ZNF813: variants seen among roughly 807,000 people sequenced by gnomAD.
ZNF813 encodes zinc finger protein 813.
Under a neutral mutation model 7.2 loss-of-function variants are expected in ZNF813, and 3 were observed. The ratio of observed to expected loss-of-function variants is 0.42; its 90% CI spans 0.19 to 1.08. ZNF813 has a LOEUF of 1.08. Among genes scored for constraint, ZNF813 ranks in the 50% least tolerant of loss-of-function variants. ZNF813 has a pLI of 0.30. For synonymous variants in ZNF813, 227 were observed against 256.3 expected (o/e 0.89, Z 1.09); for missense variants, 714 against 753.3 (o/e 0.95, Z 0.61).
intron 2 of ZNF813, 44 bp downstream of exon 2, chr19:53,483,881 A>G (rs1366750700): frequency 6.8e-6 from 11 of 1,613,780 alleles, no homozygotes; most frequent in Non-Finnish European, 9.3e-6. Context: ...CCTTCCCCTC[A>G]GAAATGCTGG....
chr19:53,471,826 A>AAAAG (rs2086360810), intron 1 of ZNF813, among the ~76,000 whole-genome samples: 1 of 143,366 alleles, frequency 7.0e-6, no homozygotes, highest in Non-Finnish European at 1.5e-5. Context: ...AAAAAAAAAA[A>AAAAG]GTGCTAGGTG....
chr19:53,485,845 C>G (rs1481853310), intron 2 of ZNF813, among the ~76,000 whole-genome samples: 3 of 152,106 alleles, frequency 2.0e-5, no homozygotes, highest in Non-Finnish European at 4.4e-5. Context: ...GTAGCTGGAA[C>G]CACAGGTGCC....
intron 2 of ZNF813, among the ~76,000 whole-genome samples, chr19:53,485,587 T>TGTATGTCATGATATGTAC (rs571848662): frequency 7.2e-6 from 1 of 139,698 alleles, no homozygotes; most frequent in East Asian, 2.2e-4. Flanking sequence ...TGTCATGACA[T>TGTATGTCATGATATGTAC]ATGTATGTCA....
At chr19:53,483,468 A>G (rs2086418936) in intron 1 of ZNF813, among the ~76,000 whole-genome samples, 1 of 152,144 alleles carries the variant, frequency 6.6e-6, no homozygotes, top group East Asian at 1.9e-4. Context: ...GATGACAGGC[A>G]TGAGCCACCG....
At chr19:53,476,072 G>A (rs912475254) in intron 1 of ZNF813, among the ~76,000 whole-genome samples, 3 of 152,156 alleles carry the variant, frequency 2.0e-5, no homozygotes, top group African/African-American at 7.2e-5. Context: ...CAAATGGCTT[G>A]CTTCCACTCA....
At chr19:53,475,389 G>A (rs2086377382) in intron 1 of ZNF813, among the ~76,000 whole-genome samples, 2 of 152,264 alleles carry the variant, frequency 1.3e-5, no homozygotes. Flanking sequence ...TGACATCTGG[G>A]TCTCTGAGGG....
chr19:53,469,648 A>AG (rs1232889431), intron 1 of ZNF813, among the ~76,000 whole-genome samples: 4 of 151,884 alleles, frequency 2.6e-5, no homozygotes, highest in South Asian at 2.1e-4. Context: ...AGGTAGGGAG[A>AG]GGGGCAGCAA....
chr19:53,470,177 C>CCTTCCTTCCTTCT (rs2086351100), intron 1 of ZNF813, among the ~76,000 whole-genome samples: 3 of 116,762 alleles, frequency 2.6e-5, no homozygotes, highest in African/African-American at 3.2e-5. Flanking sequence ...TCTTTTCTTT[C>CCTTCCTTCCTTCT]TTTCTTTCTT....
rs1386271102 is a variant in ZNF813 at position 53,493,927 on chromosome 19, G to A, written c.*1841G>A. 6.6e-6 allele frequency: 1 copy of A among 152,300 alleles called. No homozygotes were observed. The highest frequency in any genetic ancestry group is 1.5e-5 in the Non-Finnish European group (1 of 68,034). 9.4% of individuals were successfully genotyped at this position (152,300 alleles called of 1,614,324 possible). A position where few individuals can be genotyped will look rare whatever the true frequency, so the allele number is the denominator to read the frequency against. On this transcript the variant is annotated 3_prime_UTR_variant, in exon 4 of 4. Coordinates refer to ENST00000396403, the MANE Select transcript of ZNF813 (RefSeq NM_001004301.4). ...TTATCTACTCGTTGGTCATTTCATG[G>A]ATGGCCTTTCTATTGTTGAGGTAAA...
chr19:53,471,983 G>A (rs12459867), intron 1 of ZNF813, among the ~76,000 whole-genome samples: 43,204 of 151,682 alleles, frequency 0.28, 6,212 homozygotes, highest in East Asian at 0.44. Context: ...TTTTCAGCTA[G>A]CCGAGCAAAC....
chr19:53,491,748 C>T lies in ZNF813; in HGVS notation c.1516C>T (p.Arg506Trp), dbSNP rs199775956. 9.0e-5 allele frequency: 142 copies of T among 1,571,920 alleles called. No homozygotes were observed. The highest frequency in any genetic ancestry group is 1.2e-4 in the Non-Finnish European group (137 of 1,149,148). The change falls in exon 4 of 4, where the codon CGG becomes TGG. Residue 506 changes from arginine to tryptophan, a missense_variant. By Grantham distance (101) the Arg-to-Trp change is moderately radical. Around this residue, in one of 3 missense-constraint regions of ZNF813, gnomAD observed 122 missense variants for 146.8 expected, o/e 0.83. Coordinates refer to ENST00000396403, the MANE Select transcript of ZNF813 (RefSeq NM_001004301.4). ...KCNECGKGFN[R>W]KTHLACHHRL... is the part of the protein sequence containing the mutation. ...TAATGAATGTGGCAAGGGTTTTAAT[C>T]GGAAAACACACCTTGCATGTCATCA...
At chr19:53,484,102 G>T (rs548627249) in intron 2 of ZNF813, among the ~76,000 whole-genome samples, 1 of 152,020 alleles carries the variant, frequency 6.6e-6, no homozygotes, top group Non-Finnish European at 1.5e-5. Flanking sequence ...AGGGTCCCAT[G>T]GTGTCAGTGC....
rs1368357945 is a variant in ZNF813 at position 53,493,905 on chromosome 19, T to C, written c.*1819T>C. 1 of 152,372 alleles carries C rather than the reference T, an allele frequency of 6.6e-6. No homozygotes were observed. Among genetic ancestry groups the C allele is most frequent in the Non-Finnish European group, 1.5e-5 (1 of 68,040 alleles). 9.4% of individuals were successfully genotyped at this position (152,372 alleles called of 1,614,324 possible). On this transcript the variant is annotated 3_prime_UTR_variant, in exon 4 of 4. Coordinates refer to ENST00000396403, the MANE Select transcript of ZNF813 (RefSeq NM_001004301.4). ...TCATTCCATGTTCCCTGCTTCGTTA[T>C]CTACTCGTTGGTCATTTCATGGATG...
At chr19:53,482,984 C>T (rs888385318) in intron 1 of ZNF813, among the ~76,000 whole-genome samples, 2 of 151,938 alleles carry the variant, frequency 1.3e-5, no homozygotes, top group African/African-American at 2.4e-5. Flanking sequence ...ACGATCTTGG[C>T]TCACTGCAAC....
At chr19:53,474,478 G>A (rs775451773) in intron 1 of ZNF813, among the ~76,000 whole-genome samples, 15 of 152,032 alleles carry the variant, frequency 9.9e-5, no homozygotes, top group Non-Finnish European at 2.1e-4. Flanking sequence ...CATGAGGTCC[G>A]GAGTTCAAGA....
At chr19:53,483,612 A>G (rs980048103) in intron 1 of ZNF813, 138 bp from the exon 2 acceptor site, 72 of 835,116 alleles carry the variant, frequency 8.6e-5, no homozygotes, top group Non-Finnish European at 1.2e-4. Context: ...TTCCTGTAGG[A>G]GTTTATTGTC....
chr19:53,473,068 G>A lies in ZNF813; in HGVS notation c.-74+5279G>A, dbSNP rs369782103. 3.1e-4 allele frequency among the ~76,000 whole-genome samples: 47 copies of A among 152,300 alleles called. 1 individual carries two copies. The highest frequency in any genetic ancestry group is 1.4e-3 in the East Asian group (7 of 5,182). On this transcript the variant is annotated intron_variant, in intron 1 of 3. Coordinates refer to ENST00000396403, the MANE Select transcript of ZNF813 (RefSeq NM_001004301.4). The stretch of plus-strand genomic sequence containing the variant: ...TTTTCTACCATGGTTAAGGAGGGTA[G>A]CAACAGCAAAACAGTGTACAGCATG...
chr19:53,487,495 G>T (rs1322836074), intron 3 of ZNF813, among the ~76,000 whole-genome samples: 2 of 152,020 alleles, frequency 1.3e-5, no homozygotes, highest in Non-Finnish European at 2.9e-5. Context: ...AACTGGCTCT[G>T]CCTCTCCAGC....
intron 1 of ZNF813, among the ~76,000 whole-genome samples, chr19:53,468,217 G>C (rs1381754544): frequency 2.6e-4 from 8 of 30,944 alleles, no homozygotes; most frequent in Admixed American, 1.0e-3. Flanking sequence ...AGGCGCCCTC[G>C]CGCCCCCCCC....
Sources: allele counts gnomAD v4.1 joint callset (sites outside exome capture counted in the v4.1 genomes callset), GRCh38; gene constraint gnomAD v4.1.1; regional missense constraint gnomAD v4.1.1; transcripts MANE v1.5; gene names NCBI Gene and HGNC (gene_info 2026-07-23, HGNC 2026-07-21).